The following DOCK10 variants were observed in gnomAD, a reference collection of about 807,000 sequenced individuals.
DOCK10 encodes dedicator of cytokinesis 10, also known as dedicator of cytokinesis protein 10.
In DOCK10, 145 loss-of-function variants were observed where a neutral mutation model predicts 280.1. That is an observed-to-expected ratio of 0.52 (90% confidence interval 0.45 to 0.59). DOCK10 has a LOEUF of 0.59. Among genes scored for constraint, DOCK10 ranks in the 20% least tolerant of loss-of-function variants. The pLI is 0.00. For missense variants in DOCK10, 2,368 were observed against 2,651.7 expected (o/e 0.89, Z 2.35); for synonymous variants, 915 against 942.2 (o/e 0.97, Z 0.53).
At chr2:224,943,458 G>A (rs1449025410) in intron 1 of DOCK10, among the ~76,000 whole-genome samples, 2 of 152,122 alleles carry the variant, frequency 1.3e-5, no homozygotes, top group African/African-American at 4.8e-5. Flanking sequence ...TGAGATTACT[G>A]TAAAATTAAA....
intron 1 of DOCK10, among the ~76,000 whole-genome samples, chr2:225,034,437 C>T (rs1343667325): frequency 2.0e-5 from 3 of 152,208 alleles, no homozygotes; most frequent in Non-Finnish European, 4.4e-5. Flanking sequence ...ATGCCCAATA[C>T]CTTTCTGCAG....
intron 2 of DOCK10, among the ~76,000 whole-genome samples, chr2:224,929,673 C>T (rs1702218056): frequency 6.6e-6 from 1 of 152,144 alleles, no homozygotes; most frequent in Admixed American, 6.5e-5. Flanking sequence ...AAGAGTTATT[C>T]TTGTATTGTC....
At chr2:224,986,528 G>T (rs1251549365) in intron 1 of DOCK10, among the ~76,000 whole-genome samples, 1 of 152,116 alleles carries the variant, frequency 6.6e-6, no homozygotes, top group Non-Finnish European at 1.5e-5. Context: ...TTCTAAGAAA[G>T]TAATAAGGTT....
chr2:224,778,302 C>G lies in DOCK10; in HGVS notation c.5656-18G>C. ...AAAAAGCCCTATGGAACATAATGAA[C>G]CACCAATTTTATTAGACAATGCTAA... On this transcript the variant is annotated intron_variant, in intron 50 of 55. Coordinates refer to ENST00000258390, the MANE Select transcript of DOCK10 (RefSeq NM_014689.3). 1 of 1,587,938 alleles carries G rather than the reference C, an allele frequency of 6.3e-7. No individual in the cohort carries two copies. The highest frequency in any genetic ancestry group is 8.6e-7 in the Non-Finnish European group (1 of 1,165,078).
At chr2:224,896,244 A>T in intron 4 of DOCK10, 51 bp downstream of exon 4, 1 of 1,074,422 alleles carries the variant, frequency 9.3e-7, no homozygotes, top group Non-Finnish European at 1.4e-6. Context: ...AGAACAGAGG[A>T]TGTCATCTAT....
chr2:224,770,677 T>A lies in DOCK10; in HGVS notation c.6205-32A>T. On this transcript the variant is annotated intron_variant, in intron 53 of 55. Coordinates refer to ENST00000258390, the MANE Select transcript of DOCK10 (RefSeq NM_014689.3). This position sits in a 1 kb window ranked among gnomAD's most constrained non-coding sequence, Gnocchi z 4.5. ...AGAAGAAAATTGGTGAAGGATGATC[T>A]ACCTTCTGCATGGAGTCTTTTCCAC... 6.7e-7 allele frequency: 1 copy of A among 1,491,498 alleles called. No homozygotes were observed. The highest frequency in any genetic ancestry group is 9.4e-7 in the Non-Finnish European group (1 of 1,068,642). The allele number at this position is 1,491,498 out of a possible 1,614,324, so 92.4% of individuals were successfully genotyped here.
intron 1 of DOCK10, among the ~76,000 whole-genome samples, chr2:225,016,337 A>G (rs1689588847): frequency 1.3e-5 from 2 of 152,008 alleles, no homozygotes; most frequent in South Asian, 4.1e-4. Context: ...GTCACTTTTA[A>G]TAATGTATTG....
intron 1 of DOCK10, among the ~76,000 whole-genome samples, chr2:224,997,493 A>C (rs547853850): frequency 1.3e-5 from 2 of 152,050 alleles, no homozygotes; most frequent in Admixed American, 6.6e-5. Context: ...CAGCCTCTCA[A>C]AGTGCTGGGA....
chr2:224,920,282 C>A (rs13419152), intron 2 of DOCK10, among the ~76,000 whole-genome samples: 34,137 of 148,340 alleles, frequency 0.23, 4,433 homozygotes, highest in Non-Finnish European at 0.28. Flanking sequence ...CCATGTTGTC[C>A]AGGATGGTCT....
chr2:224,948,941 A>G (rs1703578322), intron 1 of DOCK10, among the ~76,000 whole-genome samples: 1 of 152,166 alleles, frequency 6.6e-6, no homozygotes, highest in Non-Finnish European at 1.5e-5. Flanking sequence ...ACAGTTCTTT[A>G]TCCTAGAGTT....
At chr2:224,850,603 C>T (rs1175392439) in intron 18 of DOCK10, among the ~76,000 whole-genome samples, 1 of 152,130 alleles carries the variant, frequency 6.6e-6, no homozygotes, top group African/African-American at 2.4e-5. Flanking sequence ...GCTTCCTGAA[C>T]AGGCCTTGAT....
At chr2:224,922,793 A>G (rs1201630495) in intron 2 of DOCK10, among the ~76,000 whole-genome samples, 2 of 152,272 alleles carry the variant, frequency 1.3e-5, no homozygotes, top group East Asian at 3.9e-4. Flanking sequence ...GGCTGAGAAA[A>G]GCTTCCTCTG....
intron 3 of DOCK10, among the ~76,000 whole-genome samples, chr2:224,911,997 C>T (rs551405499): frequency 5.3e-5 from 8 of 151,968 alleles, no homozygotes; most frequent in Middle Eastern, 3.4e-3. Context: ...CAAACTAAAA[C>T]AATAATAATA....
chr2:225,020,867 GA>G (rs1372033572), intron 1 of DOCK10, among the ~76,000 whole-genome samples: 1 of 152,184 alleles, frequency 6.6e-6, no homozygotes, highest in Admixed American at 6.5e-5. Context: ...GCATTTGTGT[GA>G]AAGAAAATTC....
intron 22 of DOCK10, 71 bp downstream of exon 22, chr2:224,844,682 G>A: frequency 2.0e-6 from 2 of 989,918 alleles, no homozygotes; most frequent in South Asian, 2.8e-5. Context: ...GTCTCATCCT[G>A]TAAATAGGGG....
At position 224,845,331 on chromosome 2, in the gene DOCK10, A is replaced by C. The variant is rs1161156343; in HGVS notation, c.2360-7T>G. 8.8e-6 allele frequency: 14 copies of C among 1,587,318 alleles called. No homozygotes were observed. The South Asian group carries it at 1.5e-4, about 17-fold the overall frequency. On this transcript the variant is annotated splice_region_variant and splice_polypyrimidine_tract_variant and intron_variant, in intron 20 of 55. Transcript: ENST00000258390. ...GGAAGCCAAGCATATCCAACTGTGC[A>C]AAAGAATAACCAACAAAAATTCTGA...
chr2:225,018,230 T>C (rs1401101486), intron 1 of DOCK10, among the ~76,000 whole-genome samples: 4 of 152,122 alleles, frequency 2.6e-5, no homozygotes, highest in Admixed American at 2.0e-4. Context: ...CTCTGTGTAT[T>C]GTACCAACTA....
intron 2 of DOCK10, among the ~76,000 whole-genome samples, chr2:224,918,238 T>C (rs1701445419): frequency 6.6e-6 from 1 of 152,202 alleles, no homozygotes; most frequent in Non-Finnish European, 1.5e-5. Context: ...GCTAGTTGGA[T>C]ACCTAAATGA....
chr2:224,999,512 T>G (rs866418182), intron 1 of DOCK10, among the ~76,000 whole-genome samples: 1 of 145,966 alleles, frequency 6.9e-6, no homozygotes, highest in South Asian at 2.4e-4. Flanking sequence ...CCTCCCTCTC[T>G]CCCCTCTTTC....
Sources: allele counts gnomAD v4.1 joint callset (sites outside exome capture counted in the v4.1 genomes callset), GRCh38; gene constraint gnomAD v4.1.1; non-coding constraint Gnocchi (gnomAD v3.1); transcripts MANE v1.5; gene names NCBI Gene and HGNC (gene_info 2026-07-23, HGNC 2026-07-21).